The following PARVB variants were observed in gnomAD, a reference collection of about 807,000 sequenced individuals.
PARVB encodes parvin beta, also known as beta-parvin.
In PARVB, 46 loss-of-function variants were observed where a neutral mutation model predicts 47.0. The observed-to-expected ratio is 0.98, with a 90% CI of 0.77 to 1.25. PARVB has a LOEUF of 1.25. Among genes scored for constraint, PARVB ranks in the 50% most tolerant of loss-of-function variants. The pLI is 0.00. For synonymous variants in PARVB, 196 were observed against 196.3 expected (o/e 1.00, Z 0.01); for missense variants, 473 against 471.6 (o/e 1.00, Z -0.03).
chr22:44,016,253 G>C (rs749962997), intron 2 of PARVB, among the ~76,000 whole-genome samples: 5 of 151,786 alleles, frequency 3.3e-5, no homozygotes, highest in African/African-American at 7.3e-5. Flanking sequence ...CCTGCCACCA[G>C]GCCCAGCTAA....
upstream of PARVB, among the ~76,000 whole-genome samples, chr22:44,024,013 TG>T (rs2050686391): frequency 2.6e-5 from 4 of 152,266 alleles, no homozygotes; most frequent in South Asian, 8.3e-4. Flanking sequence ...CACGTGGCAA[TG>T]GTGTCTGTCG....
intron 2 of PARVB, among the ~76,000 whole-genome samples, chr22:44,012,219 A>G (rs2050530516): frequency 6.6e-6 from 1 of 152,184 alleles, no homozygotes; most frequent in Admixed American, 6.5e-5. Context: ...AGGGAACAAA[A>G]CGCATATGTG....
chr22:44,134,019 C>T (rs1486329293), intron 6 of PARVB, among the ~76,000 whole-genome samples: 2 of 152,180 alleles, frequency 1.3e-5, no homozygotes, highest in African/African-American at 4.8e-5. Context: ...GTTGAGGTCA[C>T]GCTCGGAACC....
At chr22:44,025,598 C>T (rs1204830373) in intron 1 of PARVB, among the ~76,000 whole-genome samples, 2 of 152,170 alleles carry the variant, frequency 1.3e-5, no homozygotes, top group Non-Finnish European at 2.9e-5. Flanking sequence ...GTCTTGTCCC[C>T]TTCAGTAGGT....
At chr22:44,076,104 A>C (rs1052987471) in intron 1 of PARVB, among the ~76,000 whole-genome samples, 1 of 152,242 alleles carries the variant, frequency 6.6e-6, no homozygotes, top group African/African-American at 2.4e-5. Flanking sequence ...GCCTCAACCC[A>C]GGGCTGGTCT....
At chr22:44,060,930 T>C (rs1430932577) in intron 1 of PARVB, among the ~76,000 whole-genome samples, 2 of 152,144 alleles carry the variant, frequency 1.3e-5, no homozygotes, top group Non-Finnish European at 2.9e-5. Flanking sequence ...CATACATAAC[T>C]TTTTCTTATA....
In PARVB at chr22:44,157,998, A is replaced by G; in HGVS notation, c.860A>G (p.Tyr287Cys). Residue 287 changes from tyrosine to cysteine, a missense_variant, in exon 11 of 13, where the codon TAC (tyrosine) becomes TGC (cysteine). Physicochemically the swap from Tyr to Cys is radical, Grantham distance 194. Transcript: ENST00000338758. Reference protein sequence around the residue: ...ELETQFADGVYLVLLMGLLED... With the variant: ...ELETQFADGVCLVLLMGLLED... ...TCTCTGCAGTTTGCAGATGGCGTGTACCTGGTTCTGCTCATGGGCCTTCTG... is the reference window on the plus strand; with the variant it reads ...TCTCTGCAGTTTGCAGATGGCGTGTGCCTGGTTCTGCTCATGGGCCTTCTG... 6.2e-7 allele frequency: 1 copy of G among 1,613,238 alleles called. No homozygotes were observed. The highest frequency in any genetic ancestry group is 8.5e-7 in the Non-Finnish European group (1 of 1,179,182).
chr22:44,149,983 GTC>G (rs2053767807), intron 9 of PARVB: 1 of 151,882 alleles, frequency 6.6e-6, no homozygotes, highest in Admixed American at 6.6e-5. Context: ...GCAAAAACCC[GTC>G]TCTACTAAAA....
chr22:44,151,824 T>A, intron 10 of PARVB: 1 of 417,296 alleles, frequency 2.4e-6, no homozygotes, highest in Non-Finnish European at 4.5e-6. Flanking sequence ...AAAATCAAGA[T>A]GGGGCCTGGG....
Position 44,049,705 on chromosome 22 carries a change from C to T in PARVB, c.112+25254C>T, listed in dbSNP as rs2146935415. On this transcript the variant is annotated intron_variant, in intron 1 of 12. Transcript: ENST00000338758. The surrounding 1 kb of genome is among the most constrained non-coding windows in gnomAD (Gnocchi z 4.0). ...TGTTGCAAGGAACCCTAGGGGCTGC[C>T]ATAGCCCTGGAGATACTGGCTGGAA... 6.6e-6 allele frequency among the ~76,000 whole-genome samples: 1 copy of T among 152,370 alleles called. No homozygotes were observed. Among genetic ancestry groups the T allele is most frequent in the African/African-American group, 2.4e-5 (1 of 41,586 alleles).
intron 1 of PARVB, among the ~76,000 whole-genome samples, chr22:44,072,727 A>G (rs773351452): frequency 3.9e-5 from 6 of 152,048 alleles, no homozygotes; most frequent in South Asian, 2.1e-4. Flanking sequence ...ACAGGTGTGA[A>G]CCATCGCGCC....
At chr22:44,067,150 T>A (rs2051553425) in intron 1 of PARVB, among the ~76,000 whole-genome samples, 1 of 152,144 alleles carries the variant, frequency 6.6e-6, no homozygotes, top group Non-Finnish European at 1.5e-5. Context: ...CCCCTTTAAT[T>A]TATTCTGAAA....
At chr22:44,050,936 G>A (rs1158934394) in intron 1 of PARVB, among the ~76,000 whole-genome samples, 4 of 152,218 alleles carry the variant, frequency 2.6e-5, no homozygotes, top group African/African-American at 9.6e-5. Context: ...CACAGAAGCT[G>A]AGGCGGGGGC....
intron 1 of PARVB, among the ~76,000 whole-genome samples, chr22:44,043,010 G>A (rs1323767499): frequency 2.6e-5 from 4 of 152,182 alleles, no homozygotes; most frequent in African/African-American, 9.7e-5. Context: ...CCAGATGTCC[G>A]TTAACTGATG....
chr22:44,080,783 C>T (rs1031273933), intron 1 of PARVB, among the ~76,000 whole-genome samples: 34 of 152,196 alleles, frequency 2.2e-4, no homozygotes, highest in African/African-American at 7.5e-4. Flanking sequence ...CTGATTCATT[C>T]ATTCATGAAT....
At chr22:44,051,044 A>C (rs1279836266) in intron 1 of PARVB, among the ~76,000 whole-genome samples, 1 of 152,156 alleles carries the variant, frequency 6.6e-6, no homozygotes, top group Non-Finnish European at 1.5e-5. Flanking sequence ...GAGTCTCGGG[A>C]GGCCTGAGAC....
At chr22:44,160,374 C>T (rs952375081) in intron 11 of PARVB, among the ~76,000 whole-genome samples, 2 of 152,230 alleles carry the variant, frequency 1.3e-5, no homozygotes, top group African/African-American at 2.4e-5. Flanking sequence ...CCAGGAGGGT[C>T]GACTCCTATT....
intron 1 of PARVB, among the ~76,000 whole-genome samples, chr22:44,082,512 C>A (rs2051926985): frequency 1.3e-5 from 2 of 152,080 alleles, no homozygotes; most frequent in Admixed American, 6.5e-5. Flanking sequence ...GAGCAAGAGT[C>A]CGTCTCAAAA....
Position 44,103,345 on chromosome 22 carries a change from G to A in PARVB, c.273+3222G>A, listed in dbSNP as rs2052494817. The A allele has an allele frequency of 6.6e-6, 1 of 152,220 alleles. No individual in the cohort carries two copies. Among genetic ancestry groups the A allele is most frequent in the Non-Finnish European group, 1.5e-5 (1 of 68,046 alleles). The allele number at this position is 152,220 out of a possible 1,614,324, so 9.4% of individuals were successfully genotyped here. A position where few individuals can be genotyped will look rare whatever the true frequency, so the allele number is the denominator to read the frequency against. ...TTCTGAGACCATGGCTCATGGAGAT[G>A]GGCTGCATGGCTGATCATCAGCTGG... On this transcript the variant is annotated intron_variant, in intron 3 of 12. Coordinates refer to ENST00000338758, the MANE Select transcript of PARVB (RefSeq NM_013327.5). The surrounding 1 kb of genome is among the most constrained non-coding windows in gnomAD (Gnocchi z 4.6).
Sources: gnomAD v4.1 joint callset for allele counts (sites outside exome capture counted in the v4.1 genomes callset) on GRCh38, gnomAD v4.1.1 for gene constraint, Gnocchi (gnomAD v3.1) non-coding constraint, MANE v1.5 for transcripts, NCBI Gene and HGNC (gene_info 2026-07-23, HGNC 2026-07-21) for gene names.